The following DOK6 variants were observed in gnomAD, a reference collection of about 807,000 sequenced individuals.
The protein encoded by DOK6 is docking protein 6.
A neutral mutation model predicts 44.0 loss-of-function variants in DOK6; 22 were observed. That is an observed-to-expected ratio of 0.50 (90% CI 0.36 to 0.71). The LOEUF is 0.71. Among genes scored for constraint, DOK6 ranks in the 30% least tolerant of loss-of-function variants. The pLI is 0.00. For synonymous variants in DOK6, 166 were observed against 145.5 expected (o/e 1.14, Z -1.01); for missense variants, 340 against 416.4 (o/e 0.82, Z 1.60).
intron 1 of DOK6, among the ~76,000 whole-genome samples, chr18:69,454,730 TA>T (rs1979572833): frequency 7.5e-6 from 1 of 134,010 alleles, no homozygotes; most frequent in African/African-American, 2.7e-5. Flanking sequence ...TATGCAGCCA[TA>T]AAAAATGATG....
intron 3 of DOK6, among the ~76,000 whole-genome samples, chr18:69,644,434 G>T (rs931387586): frequency 6.6e-6 from 1 of 152,094 alleles, no homozygotes; most frequent in Non-Finnish European, 1.5e-5. Context: ...GTTTGTTACT[G>T]TAGAAGTTGT....
intron 3 of DOK6, among the ~76,000 whole-genome samples, chr18:69,601,446 A>G (rs1478792764): frequency 1.3e-5 from 2 of 152,218 alleles, no homozygotes; most frequent in Admixed American, 6.5e-5. Context: ...GTTGAAATTC[A>G]GCAGTACTTG....
intron 2 of DOK6, among the ~76,000 whole-genome samples, chr18:69,576,000 CAA>C (rs1200721293): frequency 1.3e-5 from 2 of 152,082 alleles, no homozygotes; most frequent in African/African-American, 2.4e-5. Context: ...CTTGCTCTTA[CAA>C]AATCATGGAC....
At chr18:69,402,807 C>A (rs1300051940) in intron 1 of DOK6, among the ~76,000 whole-genome samples, 1 of 152,214 alleles carries the variant, frequency 6.6e-6, no homozygotes, top group Non-Finnish European at 1.5e-5. Flanking sequence ...GAGTCAGATC[C>A]TCGGCCAGGT....
At position 69,401,235 on chromosome 18, in the gene DOK6, C is replaced by A. The variant is rs1916090684; in HGVS notation, c.-10C>A. ...GGATCGCGGGGCGCAGGAGCCCGAT[C>A]GCGCTGGCCATGGCCTCCAACTTTA... On this transcript the variant is annotated 5_prime_UTR_variant, in exon 1 of 8. The change creates a premature stop within an existing upstream ORF in the 5' untranslated region. Transcript: ENST00000382713. 1 of 1,559,346 alleles carries A rather than the reference C, an allele frequency of 6.4e-7. No homozygotes were observed. The highest frequency in any genetic ancestry group is 2.6e-5 in the East Asian group (1 of 38,664).
At chr18:69,639,173 T>G (rs1034944950) in intron 3 of DOK6, among the ~76,000 whole-genome samples, 1 of 152,176 alleles carries the variant, frequency 6.6e-6, no homozygotes, top group African/African-American at 2.4e-5. Flanking sequence ...GGAAAAGCTT[T>G]TTATGAGTGT....
At chr18:69,806,121 G>T (rs1485547851) in intron 7 of DOK6, among the ~76,000 whole-genome samples, 1 of 151,338 alleles carries the variant, frequency 6.6e-6, no homozygotes, top group African/African-American at 2.4e-5. Context: ...TTCTTTTCTG[G>T]GATCATTTTT....
At chr18:69,533,507 T>C (rs191853763) in intron 1 of DOK6, among the ~76,000 whole-genome samples, 3 of 152,238 alleles carry the variant, frequency 2.0e-5, no homozygotes, top group African/African-American at 7.2e-5. Flanking sequence ...ATTATGCAAA[T>C]ATAAGTATTA....
chr18:69,697,420 T>A (rs1986412409), intron 4 of DOK6, among the ~76,000 whole-genome samples: 1 of 142,758 alleles, frequency 7.0e-6, no homozygotes, highest in Admixed American at 7.1e-5. Context: ...GTTTTTCTTA[T>A]GACTTTTTTT....
intron 1 of DOK6, among the ~76,000 whole-genome samples, chr18:69,529,378 A>C (rs907836222): frequency 2.0e-5 from 3 of 152,032 alleles, no homozygotes; most frequent in Non-Finnish European, 4.4e-5. Context: ...TCTTCATCTC[A>C]TATTTTTGAC....
At chr18:69,614,924 T>C (rs1984249580) in intron 3 of DOK6, among the ~76,000 whole-genome samples, 1 of 152,106 alleles carries the variant, frequency 6.6e-6, no homozygotes, top group Non-Finnish European at 1.5e-5. Flanking sequence ...TTATTAAAGA[T>C]TGGAGGGGCT....
intron 1 of DOK6, among the ~76,000 whole-genome samples, chr18:69,528,171 A>AG (rs1462014983): frequency 6.6e-6 from 1 of 151,878 alleles, no homozygotes; most frequent in African/African-American, 2.4e-5. Flanking sequence ...TCAAAAAAAA[A>AG]AAAAAAAAAG....
intron 1 of DOK6, among the ~76,000 whole-genome samples, chr18:69,462,221 A>T (rs1979808136): frequency 6.6e-6 from 1 of 152,136 alleles, no homozygotes; most frequent in Admixed American, 6.6e-5. Context: ...CATAAGGTTT[A>T]TGAAACCAAG....
chr18:69,567,754 G>A (rs575384299), intron 2 of DOK6, among the ~76,000 whole-genome samples: 17 of 152,306 alleles, frequency 1.1e-4, no homozygotes, highest in African/African-American at 3.1e-4. Flanking sequence ...GCTGAGGTCC[G>A]AGGGGAGTGA....
intron 7 of DOK6, chr18:69,781,334 G>A (rs760361727): frequency 2.0e-5 from 3 of 152,148 alleles, no homozygotes; most frequent in Non-Finnish European, 4.4e-5. Context: ...CCTTGGTTAT[G>A]TATGGCATCA....
chr18:69,488,462 A>G (rs538521293), intron 1 of DOK6, among the ~76,000 whole-genome samples: 3 of 152,172 alleles, frequency 2.0e-5, no homozygotes, highest in African/African-American at 7.2e-5. Flanking sequence ...CGTTCTTGTC[A>G]TGTGTTTTAG....
At chr18:69,426,066 T>A (rs1479471044) in intron 1 of DOK6, among the ~76,000 whole-genome samples, 2 of 152,130 alleles carry the variant, frequency 1.3e-5, no homozygotes, top group Non-Finnish European at 2.9e-5. Context: ...ATGATCAGGT[T>A]AATTTTTTCG....
rs547041679 is a variant in DOK6 at position 69,706,876 on chromosome 18, A to G, written c.599+8283A>G. ...AAAGGACATGAACTCATCATTTTTT[A>G]TGGCTGCATAGTATTCCATGGTGTA... On this transcript the variant is annotated intron_variant, in intron 5 of 7. Coordinates refer to ENST00000382713, the MANE Select transcript of DOK6 (RefSeq NM_152721.6). Among the ~76,000 whole-genome samples, 319 of 151,828 alleles carry G rather than the reference A, an allele frequency of 2.1e-3. 8 individuals carry two copies. The South Asian group carries it at 0.028, about 13-fold the overall frequency.
intron 2 of DOK6, among the ~76,000 whole-genome samples, chr18:69,572,494 G>A (rs1983137485): frequency 6.6e-6 from 1 of 152,108 alleles, no homozygotes; most frequent in Non-Finnish European, 1.5e-5. Context: ...ATGGGCTGAG[G>A]TGAGGGAAAT....
Sources: allele counts gnomAD v4.1 joint callset (sites outside exome capture counted in the v4.1 genomes callset), GRCh38; gene constraint gnomAD v4.1.1; transcripts MANE v1.5; gene names NCBI Gene and HGNC (gene_info 2026-07-23, HGNC 2026-07-21).